N4BP1: variants seen among roughly 807,000 people sequenced by gnomAD.
N4BP1 encodes the protein NEDD4 binding protein 1, also known as NEDD4-binding protein 1.
N4BP1 carries 21 observed loss-of-function variants against 70.9 expected under a neutral mutation model. That is an observed-to-expected ratio of 0.30 (90% CI 0.21 to 0.43). The LOEUF is 0.43. N4BP1 is among the 20% of genes least tolerant of loss of function. The pLI is 1.00. For missense variants in N4BP1, 936 were observed against 1,069.4 expected, an observed-to-expected ratio of 0.88 and a Z score of 1.74; for synonymous variants, 387 against 394.6, an observed-to-expected ratio of 0.98 and a Z score of 0.23.
intron 1 of N4BP1, among the ~76,000 whole-genome samples, chr16:48,581,033 T>G (rs1307980680): frequency 2.0e-5 from 3 of 152,084 alleles, no homozygotes; most frequent in Non-Finnish European, 4.4e-5. Flanking sequence ...GACAAGAGAC[T>G]ACTGTAATAG....
At chr16:48,575,846 G>T (rs975556396) in intron 1 of N4BP1, among the ~76,000 whole-genome samples, 1 of 152,182 alleles carries the variant, frequency 6.6e-6, no homozygotes, top group South Asian at 2.1e-4. Context: ...TACCATGGGG[G>T]TAGGTATGAC....
At chr16:48,566,939 C>T (rs1185180923) in intron 1 of N4BP1, among the ~76,000 whole-genome samples, 1 of 152,140 alleles carries the variant, frequency 6.6e-6, no homozygotes, top group Non-Finnish European at 1.5e-5. Context: ...CTTGAATTGA[C>T]CCTCTTGCCA....
rs756143871 is a variant in N4BP1, at chr16:48,561,293, T to C, written c.1350A>G (p.Glu450=). ...EKFSQLPFKV[E]AKPCTSNCRI... The stretch of plus-strand genomic sequence containing the variant: ...TACAATTTGAGGTACATGGTTTAGC[T>C]TCCACTTTGAATGGTAACTGAGAAA... The change falls in exon 2 of 7, where the codon GAA becomes GAG. Residue 450 remains glutamate, a synonymous_variant. Transcript: ENST00000262384. 1.2e-6 allele frequency: 2 copies of C among 1,613,908 alleles called. No individual in the cohort carries two copies. Among genetic ancestry groups the C allele is most frequent in the Non-Finnish European group, 1.7e-6 (2 of 1,179,834 alleles).
At chr16:48,573,613 A>AAAC (rs1258848949) in intron 1 of N4BP1, among the ~76,000 whole-genome samples, 1 of 151,754 alleles carries the variant, frequency 6.6e-6, no homozygotes, top group Non-Finnish European at 1.5e-5. Flanking sequence ...ACAAACAAAC[A>AAAC]AAAAAAACCC....
intron 1 of N4BP1, among the ~76,000 whole-genome samples, chr16:48,580,472 T>C (rs1964160525): frequency 6.6e-6 from 1 of 152,166 alleles, no homozygotes; most frequent in African/African-American, 2.4e-5. Flanking sequence ...AACTGATGGC[T>C]TGCTTCACTG....
At chr16:48,590,980 C>T (rs1267639868) in intron 1 of N4BP1, among the ~76,000 whole-genome samples, 1 of 152,132 alleles carries the variant, frequency 6.6e-6, no homozygotes, top group Non-Finnish European at 1.5e-5. Context: ...AAGGGGTACT[C>T]TGAAATTATT....
chr16:48,589,087 G>A (rs1597108853), intron 1 of N4BP1, among the ~76,000 whole-genome samples: 1 of 152,130 alleles, frequency 6.6e-6, no homozygotes. Context: ...TATAGATACA[G>A]ATGATTTCTG....
At chr16:48,562,633 T>C (rs903941204) in intron 1 of N4BP1, among the ~76,000 whole-genome samples, 189 bp from the exon 2 acceptor site, 2 of 152,210 alleles carry the variant, frequency 1.3e-5, no homozygotes, top group African/African-American at 4.8e-5. Flanking sequence ...AAACCATCTT[T>C]AGAGGAACTG....
At chr16:48,587,486 CCTT>C (rs1274224307) in intron 1 of N4BP1, 1 of 152,180 alleles carries the variant, frequency 6.6e-6, no homozygotes, top group Non-Finnish European at 1.5e-5. Flanking sequence ...TAATTTTTAA[CCTT>C]CTACTTAGCA....
In N4BP1 at chr16:48,561,966, G is replaced by T; in HGVS notation, c.677C>A (p.Ser226Tyr). The change falls in exon 2 of 7, where the codon TCT (serine) becomes TAT (tyrosine). Residue 226 changes from serine to tyrosine, a missense_variant. Ser to Tyr is a moderately radical substitution (Grantham distance 144, BLOSUM62 -2). Around this residue, in one of 4 missense-constraint regions of N4BP1, gnomAD observed 515 missense variants for 491.7 expected, o/e 1.05. Transcript: ENST00000262384. ...TTCCTGCAAAACAGTTTCATCTCTA[G>T]AAATATTCAGCCCTGTGGCAGCATT... is the stretch of plus-strand genomic sequence containing the variant. The part of the protein sequence containing the change: ...TQNAATGLNI[S>Y]RDETVLQEEA... The T allele has an allele frequency of 6.2e-7, 1 of 1,613,922 alleles. No individual in the cohort carries two copies. Among genetic ancestry groups the T allele is most frequent in the East Asian group, 2.2e-5 (1 of 44,876 alleles).
At chr16:48,551,356 A>C in intron 4 of N4BP1, 30 bp downstream of exon 4, 1 of 1,592,762 alleles carries the variant, frequency 6.3e-7, no homozygotes, top group Non-Finnish European at 8.6e-7. Context: ...ACCCCACTCC[A>C]ACCTTAGGAA....
chr16:48,577,166 CAAT>C (rs1345189946), intron 1 of N4BP1, among the ~76,000 whole-genome samples: 1 of 152,170 alleles, frequency 6.6e-6, no homozygotes, highest in East Asian at 1.9e-4. Context: ...TGAATGCCAA[CAAT>C]GATGACTAAT....
intron 1 of N4BP1, among the ~76,000 whole-genome samples, chr16:48,589,188 T>C (rs889175431): frequency 2.0e-5 from 3 of 152,192 alleles, no homozygotes; most frequent in South Asian, 2.1e-4. Context: ...CATACAACTT[T>C]TAAAATTTTT....
At chr16:48,590,288 C>G (rs1964315106) in intron 1 of N4BP1, among the ~76,000 whole-genome samples, 2 of 152,146 alleles carry the variant, frequency 1.3e-5, no homozygotes. Context: ...TCAGCACTCC[C>G]CACTTCCCAA....
intron 1 of N4BP1, among the ~76,000 whole-genome samples, chr16:48,563,197 T>C (rs1420482135): frequency 6.6e-6 from 1 of 151,910 alleles, no homozygotes; most frequent in Non-Finnish European, 1.5e-5. Context: ...ACCCCATTTC[T>C]ACAAAAAATA....
intron 1 of N4BP1, among the ~76,000 whole-genome samples, chr16:48,603,100 G>GT (rs1299623830): frequency 6.6e-6 from 1 of 152,154 alleles, no homozygotes; most frequent in Non-Finnish European, 1.5e-5. Context: ...AGTCAGTACT[G>GT]TAATAGGCCA....
intron 4 of N4BP1, among the ~76,000 whole-genome samples, chr16:48,550,324 C>A (rs1963648033): frequency 1.3e-5 from 2 of 151,824 alleles, no homozygotes; most frequent in Non-Finnish European, 1.5e-5. Context: ...ACCAGCCTTA[C>A]CAACATAGTG....
chr16:48,585,526 T>C (rs1374264208), intron 1 of N4BP1, among the ~76,000 whole-genome samples: 2 of 151,532 alleles, frequency 1.3e-5, no homozygotes, highest in South Asian at 2.1e-4. Flanking sequence ...TAAATAAAAT[T>C]ATAATAGTAA....
rs1963707376 is a variant in N4BP1 at position 48,553,638 on chromosome 16, CACG to C, written c.1918_1920del (p.Arg640del). On this transcript the variant is annotated inframe_deletion, in exon 3 of 7. Coordinates refer to ENST00000262384, the MANE Select transcript of N4BP1 (RefSeq NM_153029.4). ...AAATATTCAACTGCAATTGCAATTCCACGACAAGAAAAGAACTTTTTCAGACCA... is the reference window on the plus strand; with the variant it reads ...AAATATTCAACTGCAATTGCAATTCCACAAGAAAAGAACTTTTTCAGACCA... The C allele has an allele frequency of 6.3e-7, 1 of 1,596,548 alleles. No homozygotes were observed. The highest frequency in any genetic ancestry group is 8.5e-7 in the Non-Finnish European group (1 of 1,172,182).
Sources: gnomAD v4.1 joint callset for allele counts (sites outside exome capture counted in the v4.1 genomes callset) on GRCh38, gnomAD v4.1.1 for gene constraint, gnomAD v4.1.1 regional missense constraint, MANE v1.5 for transcripts, NCBI Gene and HGNC (gene_info 2026-07-23, HGNC 2026-07-21) for gene names.